Variants in TCF7L1 observed in about 807,000 individuals in gnomAD.
The protein encoded by TCF7L1 is transcription factor 7 like 1.
A neutral mutation model predicts 63.7 loss-of-function variants in TCF7L1; 18 were observed. That is an observed-to-expected ratio of 0.28 (90% CI 0.20 to 0.42). TCF7L1 has a LOEUF of 0.42. TCF7L1 is among the 10% of genes least tolerant of loss of function. The probability of loss-of-function intolerance (pLI) is 1.00; values close to 1 mark genes in which losing one functional copy is unlikely to be tolerated. For missense variants in TCF7L1, 654 were observed against 779.3 expected, an observed-to-expected ratio of 0.84 and a Z score of 1.91; for synonymous variants, 355 against 340.9, an observed-to-expected ratio of 1.04 and a Z score of -0.46.
intron 3 of TCF7L1, among the ~76,000 whole-genome samples, chr2:85,135,609 G>A (rs1677574021): frequency 6.6e-6 from 1 of 151,920 alleles, no homozygotes; most frequent in Non-Finnish European, 1.5e-5. Context: ...CATTCCTGCT[G>A]TCATTGTACA....
Position 85,133,987 on chromosome 2 carries a change from C to T in TCF7L1, c.250-29C>T. ...GGATCCCGGCCCTGCGTCCGCTCAC[C>T]CGCTCTTGCCTTTGTGTCTCCTCCG... On this transcript the variant is annotated intron_variant, in intron 1 of 11. Coordinates refer to ENST00000282111, the MANE Select transcript of TCF7L1 (RefSeq NM_031283.3). This position sits in a 1 kb window ranked among gnomAD's most constrained non-coding sequence, Gnocchi z 4.4. 6 of 1,600,780 alleles carry T rather than the reference C, an allele frequency of 3.7e-6. No homozygotes were observed. The highest frequency in any genetic ancestry group is 8.5e-7 in the Non-Finnish European group (1 of 1,172,748).
At chr2:85,190,982 A>T (rs565814692) in intron 3 of TCF7L1, among the ~76,000 whole-genome samples, 9 of 152,170 alleles carry the variant, frequency 5.9e-5, no homozygotes, top group Admixed American at 2.0e-4. Context: ...GCCAGCATTA[A>T]TGACTCTGGT....
intron 3 of TCF7L1, among the ~76,000 whole-genome samples, chr2:85,269,041 G>A (rs1681081521): frequency 6.6e-6 from 1 of 152,192 alleles, no homozygotes; most frequent in Non-Finnish European, 1.5e-5. Flanking sequence ...GCAGGTACAT[G>A]AGAAGAGAGA....
intron 3 of TCF7L1, among the ~76,000 whole-genome samples, chr2:85,136,671 TTC>T (rs978958733): frequency 3.9e-5 from 6 of 152,188 alleles, no homozygotes; most frequent in African/African-American, 1.4e-4. Context: ...TTCCCAGTGT[TTC>T]TGTGTCTCTG....
At chr2:85,298,481 C>CAAAAAAA (rs775849544) in intron 4 of TCF7L1, among the ~76,000 whole-genome samples, 1 of 71,046 alleles carries the variant, frequency 1.4e-5, no homozygotes, top group African/African-American at 6.1e-5. Context: ...GACTCTGTCT[C>CAAAAAAA]AAAAAAAAAA....
chr2:85,300,189 C>T (rs907156837), intron 4 of TCF7L1, among the ~76,000 whole-genome samples: 2 of 151,942 alleles, frequency 1.3e-5, no homozygotes, highest in Non-Finnish European at 2.9e-5. Flanking sequence ...TTCTATTTAG[C>T]CTTTTTTTAA....
chr2:85,175,521 G>T (rs150110748), intron 3 of TCF7L1, among the ~76,000 whole-genome samples: 1,647 of 152,256 alleles, frequency 0.011, 9 homozygotes, highest in Middle Eastern at 0.027. Context: ...TAGCCAGGAT[G>T]GGGGGTGGGT....
chr2:85,168,371 C>A (rs1253769292), intron 3 of TCF7L1, among the ~76,000 whole-genome samples: 2 of 151,972 alleles, frequency 1.3e-5, no homozygotes, highest in South Asian at 2.1e-4. Context: ...CATACCTCAA[C>A]AAAATTGTAA....
Position 85,309,546 on chromosome 2 carries a change from T to A in TCF7L1, c.*84T>A, listed in dbSNP as rs2104394698. On this transcript the variant is annotated 3_prime_UTR_variant, in exon 12 of 12. Coordinates refer to ENST00000282111, the MANE Select transcript of TCF7L1 (RefSeq NM_031283.3). ...AAAAAGAAAAAGGAGACTTTATTGG[T>A]CAATATTTGACCACTCTGGACTGTT... is the stretch of plus-strand genomic sequence containing the variant. The A allele has an allele frequency of 6.3e-6, 9 of 1,430,998 alleles. No individual in the cohort carries two copies. Among genetic ancestry groups the A allele is most frequent in the Non-Finnish European group, 8.4e-6 (9 of 1,068,906 alleles). The allele number at this position is 1,430,998 out of a possible 1,614,324, so 88.6% of individuals were successfully genotyped here.
At chr2:85,308,457 C>CTTCCTT (rs1491145517) in intron 11 of TCF7L1, among the ~76,000 whole-genome samples, 1 of 59,016 alleles carries the variant, frequency 1.7e-5, no homozygotes, top group African/African-American at 8.0e-5. Flanking sequence ...CTTTCCCTCC[C>CTTCCTT]TCTCTTTCCC....
chr2:85,285,772 A>G (rs1210769172), intron 4 of TCF7L1, among the ~76,000 whole-genome samples: 1 of 151,738 alleles, frequency 6.6e-6, no homozygotes, highest in African/African-American at 2.4e-5. Flanking sequence ...GCCTTCCTCT[A>G]CCTCTCCTGT....
At chr2:85,168,911 G>A (rs995727661) in intron 3 of TCF7L1, among the ~76,000 whole-genome samples, 4 of 152,004 alleles carry the variant, frequency 2.6e-5, no homozygotes, top group Admixed American at 6.6e-5. Flanking sequence ...GTGAAACACC[G>A]CACCCAGTCT....
At position 85,152,406 on chromosome 2, in the gene TCF7L1, G is replaced by T. The variant is rs1678037121; in HGVS notation, c.441+17956G>T. ...ATTTTAAAACAATAAGCATTTATTT[G>T]CTCTAAAAGGATATACCATTCTCTC... On this transcript the variant is annotated intron_variant, in intron 3 of 11. Coordinates refer to ENST00000282111, the MANE Select transcript of TCF7L1 (RefSeq NM_031283.3). Among the ~76,000 whole-genome samples, 3 of 150,528 alleles carry T rather than the reference G, an allele frequency of 2.0e-5. No homozygotes were observed. In the South Asian group the frequency reaches 6.3e-4, roughly 32 times the overall value.
rs11900333 is a variant in TCF7L1 at position 85,304,456 on chromosome 2, C to A, written c.845+118C>A. 451,832 of 987,172 alleles carry A rather than the reference C, an allele frequency of 0.46. 108,870 individuals are homozygous for A. The highest frequency in any genetic ancestry group is 0.6 in the Admixed American group (24,485 of 40,686). The allele number at this position is 987,172 out of a possible 1,614,324, so 61.2% of individuals were successfully genotyped here. A position where few individuals can be genotyped will look rare whatever the true frequency, so the allele number is the denominator to read the frequency against. ...AGGCACAGGGCTCACCCTCCCCCCACCTCTCTTTGATCAAGCATCTTCTCA... is the reference window on the plus strand; with the variant it reads ...AGGCACAGGGCTCACCCTCCCCCCAACTCTCTTTGATCAAGCATCTTCTCA... On this transcript the variant is annotated intron_variant, in intron 7 of 11. Coordinates refer to ENST00000282111, the MANE Select transcript of TCF7L1 (RefSeq NM_031283.3).
intron 3 of TCF7L1, among the ~76,000 whole-genome samples, chr2:85,217,922 T>C (rs1656700150): frequency 6.6e-6 from 1 of 152,206 alleles, no homozygotes. Flanking sequence ...TTAGGGATGC[T>C]CAACTTGTAC....
chr2:85,234,135 T>TC (rs1206578144), intron 3 of TCF7L1, among the ~76,000 whole-genome samples: 1 of 129,578 alleles, frequency 7.7e-6, no homozygotes, highest in Non-Finnish European at 1.7e-5. Context: ...TCTTTTCTTT[T>TC]TTTTTTTTTT....
intron 3 of TCF7L1, among the ~76,000 whole-genome samples, chr2:85,261,804 A>G (rs1680863420): frequency 6.6e-6 from 1 of 152,004 alleles, no homozygotes; most frequent in Non-Finnish European, 1.5e-5. Context: ...GGAGGATCGC[A>G]TGAGCCCAGG....
chr2:85,303,869 T>C (rs532037293), intron 5 of TCF7L1, 26 bp from the exon 6 acceptor site: 2 of 1,560,350 alleles, frequency 1.3e-6, no homozygotes, highest in East Asian at 2.2e-5. Flanking sequence ...GAGGGAACAG[T>C]CTGACATATC....
At chr2:85,248,318 G>A (rs990047630) in intron 3 of TCF7L1, among the ~76,000 whole-genome samples, 10 of 152,162 alleles carry the variant, frequency 6.6e-5, no homozygotes, top group African/African-American at 2.4e-4. Flanking sequence ...TGAAGAGATT[G>A]TGTAAACGCA....
Sources: allele counts gnomAD v4.1 joint callset (sites outside exome capture counted in the v4.1 genomes callset), GRCh38; gene constraint gnomAD v4.1.1; non-coding constraint Gnocchi (gnomAD v3.1); transcripts MANE v1.5; gene names NCBI Gene and HGNC (gene_info 2026-07-23, HGNC 2026-07-21).